PPP6R3: variants seen among roughly 807,000 people sequenced by gnomAD.
The protein encoded by PPP6R3 is protein phosphatase 6 regulatory subunit 3, also known as serine/threonine-protein phosphatase 6 regulatory subunit 3.
A neutral mutation model predicts 110.7 loss-of-function variants in PPP6R3; 38 were observed. The observed-to-expected ratio is 0.34, with a 90% CI of 0.26 to 0.45. PPP6R3 has a LOEUF of 0.45. Ranked by LOEUF, PPP6R3 falls within the 20% of genes least tolerant of loss-of-function variation. The probability of loss-of-function intolerance (pLI) is 1.00; values close to 1 mark genes in which losing one functional copy is unlikely to be tolerated. For synonymous variants in PPP6R3, 369 were observed against 373.5 expected, an observed-to-expected ratio of 0.99 and a Z score of 0.14; for missense variants, 870 against 1,062.4, an observed-to-expected ratio of 0.82 and a Z score of 2.52.
At chr11:68,487,661 G>A (rs1350940128) in intron 1 of PPP6R3, among the ~76,000 whole-genome samples, 1 of 151,870 alleles carries the variant, frequency 6.6e-6, no homozygotes, top group South Asian at 2.1e-4. Flanking sequence ...TTATTTAGAA[G>A]TATATTATTT....
At chr11:68,548,032 AC>A (rs1435487870) in intron 4 of PPP6R3, 34 bp from the exon 5 acceptor site, 5 of 1,593,832 alleles carry the variant, frequency 3.1e-6, no homozygotes, top group Non-Finnish European at 4.3e-6. Context: ...TTTCCAAGTT[AC>A]ATGTCTTTCA....
chr11:68,614,916 G>A lies in PPP6R3; in HGVS notation c.*1799G>A, dbSNP rs1170107596. 1 of 733,130 alleles carries A rather than the reference G, an allele frequency of 1.4e-6. No individual in the cohort carries two copies. Among genetic ancestry groups the A allele is most frequent in the African/African-American group, 1.7e-5 (1 of 57,616 alleles). The allele number at this position is 733,130 out of a possible 1,614,324, so 45.4% of individuals were successfully genotyped here. On this transcript the variant is annotated 3_prime_UTR_variant, in exon 24 of 24. Transcript: ENST00000393800. ...TCTCGCCTGGTGGTGAGTTTTGCCAGCCATGGCCAGGGTTTGGCTCCACTG... is the reference window on the plus strand; with the variant it reads ...TCTCGCCTGGTGGTGAGTTTTGCCAACCATGGCCAGGGTTTGGCTCCACTG...
chr11:68,589,184 G>A (rs1363077370), intron 16 of PPP6R3, among the ~76,000 whole-genome samples: 2 of 151,904 alleles, frequency 1.3e-5, no homozygotes, highest in African/African-American at 4.8e-5. Context: ...ACTCCACCCT[G>A]GGCAACACAG....
chr11:68,472,275 G>T (rs375636154), intron 1 of PPP6R3, among the ~76,000 whole-genome samples: 1 of 152,204 alleles, frequency 6.6e-6, no homozygotes, highest in Non-Finnish European at 1.5e-5. Flanking sequence ...ACATTGGTGC[G>T]TGTGGTTGTG....
intron 2 of PPP6R3, among the ~76,000 whole-genome samples, chr11:68,533,088 A>G (rs980333457): frequency 1.3e-5 from 2 of 152,104 alleles, no homozygotes; most frequent in Non-Finnish European, 2.9e-5. Context: ...GAGTAGTTAT[A>G]TTTTTTAAAG....
intron 23 of PPP6R3, among the ~76,000 whole-genome samples, chr11:68,610,700 G>T (rs566985770): frequency 6.6e-6 from 1 of 152,302 alleles, no homozygotes. Flanking sequence ...GCCCAAAGAT[G>T]AGGCTGCACC....
At position 68,558,529 on chromosome 11, in the gene PPP6R3, G is replaced by A. The variant is rs1296865353; in HGVS notation, c.732-37G>A. ...TTTTCTGAGGTTGTTGGTGATAAGT[G>A]ATACTGCAGTTAGTGATTATTGATT... On this transcript the variant is annotated intron_variant, in intron 7 of 23. Transcript: ENST00000393800. 3 of 1,341,322 alleles carry A rather than the reference G, an allele frequency of 2.2e-6. No homozygotes were observed. The Admixed American group carries it at 5.3e-5, about 24-fold the overall frequency. The allele number at this position is 1,341,322 out of a possible 1,614,324, so 83.1% of individuals were successfully genotyped here. A position where few individuals can be genotyped will look rare whatever the true frequency, so the allele number is the denominator to read the frequency against.
intron 3 of PPP6R3, among the ~76,000 whole-genome samples, chr11:68,541,367 A>G (rs531607434): frequency 6.6e-6 from 1 of 152,320 alleles, no homozygotes; most frequent in South Asian, 2.1e-4. Context: ...ACAAGATCTT[A>G]GTGGACCTGA....
intron 2 of PPP6R3, among the ~76,000 whole-genome samples, chr11:68,520,091 A>T (rs1263392530): frequency 1.3e-5 from 2 of 152,166 alleles, no homozygotes; most frequent in Non-Finnish European, 2.9e-5. Context: ...ATCACTTTAG[A>T]AGTTTTTATT....
chr11:68,610,186 C>T (rs746538901), intron 23 of PPP6R3, among the ~76,000 whole-genome samples, 163 bp downstream of exon 23: 1 of 151,746 alleles, frequency 6.6e-6, no homozygotes, highest in Non-Finnish European at 1.5e-5. Flanking sequence ...GAGCTGAGTC[C>T]GACTGAGCTG....
At chr11:68,550,088 T>G (rs376155574) in intron 5 of PPP6R3, among the ~76,000 whole-genome samples, 46 of 152,338 alleles carry the variant, frequency 3.0e-4, no homozygotes, top group African/African-American at 1.1e-3. Context: ...CTTGTGAGCT[T>G]GTTAGAGATC....
At chr11:68,577,143 C>T (rs1160462124) in intron 14 of PPP6R3, among the ~76,000 whole-genome samples, 1 of 152,230 alleles carries the variant, frequency 6.6e-6, no homozygotes, top group Non-Finnish European at 1.5e-5. Flanking sequence ...CCTAATAGCC[C>T]GAGTGTCTCT....
intron 1 of PPP6R3, among the ~76,000 whole-genome samples, chr11:68,508,929 T>C (rs190355630): frequency 1.3e-5 from 2 of 152,342 alleles, no homozygotes; most frequent in Admixed American, 6.5e-5. Flanking sequence ...CTATTTTCTT[T>C]TCCTGTCTTG....
chr11:68,538,987 G>A (rs898545900), intron 3 of PPP6R3, among the ~76,000 whole-genome samples: 10 of 152,208 alleles, frequency 6.6e-5, no homozygotes, highest in African/African-American at 2.4e-4. Flanking sequence ...GTGCCTGGTG[G>A]CAGGCACCTG....
At chr11:68,595,264 G>A in intron 18 of PPP6R3, among the ~76,000 whole-genome samples, 1 of 133,408 alleles carries the variant, frequency 7.5e-6, no homozygotes, top group African/African-American at 2.8e-5. Context: ...TGTCCAGGCT[G>A]GAGTGCAGTG....
Position 68,544,950 on chromosome 11 carries a change from T to G in PPP6R3, c.340T>G (p.Ser114Ala). 6.2e-7 allele frequency: 1 copy of G among 1,607,602 alleles called. No homozygotes were observed. The highest frequency in any genetic ancestry group is 8.5e-7 in the Non-Finnish European group (1 of 1,174,160). ...ATTATATAGCTTCCTCCTAAACGAT[T>G]CCCCTTTGAATCCACTACTTGCCAG... ...MKLYSFLLND[S>A]PLNPLLASFF... The change falls in exon 4 of 24, where the codon TCC (serine) becomes GCC (alanine). Residue 114 changes from serine (S) to alanine (A), a missense_variant. By Grantham distance (99) the Ser-to-Ala change is moderately conservative. Transcript: ENST00000393800.
chr11:68,496,853 C>CTTTTTTTTTTT (rs1157617908), intron 1 of PPP6R3, among the ~76,000 whole-genome samples: 7 of 61,272 alleles, frequency 1.1e-4, no homozygotes, highest in Non-Finnish European at 1.8e-4. Context: ...ATATTCTTGT[C>CTTTTTTTTTTT]TTTTTTTTTT....
At chr11:68,561,988 T>C (rs2099425390) in intron 8 of PPP6R3, among the ~76,000 whole-genome samples, 1 of 151,748 alleles carries the variant, frequency 6.6e-6, no homozygotes, top group South Asian at 2.1e-4. Context: ...GAGGGGGCGA[T>C]GTGAGACTGC....
rs780702338 is a variant in PPP6R3, at chr11:68,613,052, C to G, written c.2571-14C>G. On this transcript the variant is annotated splice_polypyrimidine_tract_variant and intron_variant, in intron 23 of 23. Coordinates refer to ENST00000393800, the MANE Select transcript of PPP6R3 (RefSeq NM_001164161.2). ...TGCTGCAAGTGCCTCCGATGCCTGT[C>G]TGTTGCTCCTTAGGACTGGCCAACC... is the stretch of plus-strand genomic sequence containing the variant. The G allele has an allele frequency of 1.4e-5, 22 of 1,614,066 alleles. No homozygotes were observed. The South Asian group carries it at 1.8e-4, about 13-fold the overall frequency.
Sources: allele counts gnomAD v4.1 joint callset (sites outside exome capture counted in the v4.1 genomes callset), GRCh38; gene constraint gnomAD v4.1.1; transcripts MANE v1.5; gene names NCBI Gene and HGNC (gene_info 2026-07-23, HGNC 2026-07-21).